TBC1D22A: variants seen among roughly 807,000 people sequenced by gnomAD.
The protein encoded by TBC1D22A is putative GTPase activator.
In TBC1D22A, 38 loss-of-function variants were observed where a neutral mutation model predicts 60.2. The observed-to-expected ratio is 0.63, with a 90% CI of 0.49 to 0.83. The LOEUF (loss-of-function observed/expected upper bound fraction) is 0.83, where lower values mean the gene tolerates loss of function less well. Ranked by LOEUF, TBC1D22A falls within the 40% of genes least tolerant of loss-of-function variation. The pLI is 0.00. For synonymous variants in TBC1D22A, 302 were observed against 281.7 expected, an observed-to-expected ratio of 1.07 and a Z score of -0.72; for missense variants, 628 against 701.0, an observed-to-expected ratio of 0.90 and a Z score of 1.18.
intron 12 of TBC1D22A, among the ~76,000 whole-genome samples, chr22:47,148,588 C>CTCCTCTCCTGGGGCCCTTCTCCCAGGAT (rs760456911): frequency 0.023 from 3,371 of 149,246 alleles, 98 homozygotes; most frequent in African/African-American, 0.066. Flanking sequence ...CTCTCTTGGG[C>CTCCTCTCCTGGGGCCCTTCTCCCAGGAT]TCCTCTCCTG....
intron 8 of TBC1D22A, among the ~76,000 whole-genome samples, chr22:46,949,049 A>G (rs2072732606): frequency 6.6e-6 from 1 of 152,190 alleles, no homozygotes; most frequent in Non-Finnish European, 1.5e-5. Flanking sequence ...AGGGTCACTC[A>G]TTTCATCTGA....
At chr22:46,871,879 A>G (rs1051417961) in intron 4 of TBC1D22A, among the ~76,000 whole-genome samples, 75 of 152,352 alleles carry the variant, frequency 4.9e-4, no homozygotes, top group African/African-American at 1.8e-3. Context: ...TCACTAAAAT[A>G]TAAAGTTTTT....
intron 11 of TBC1D22A, among the ~76,000 whole-genome samples, chr22:47,109,612 A>G (rs945696920): frequency 6.6e-6 from 1 of 152,112 alleles, no homozygotes; most frequent in Non-Finnish European, 1.5e-5. Flanking sequence ...TGGCAGTTCC[A>G]AAGAATAACT....
At chr22:46,892,479 A>G (rs1480936465) in intron 6 of TBC1D22A, among the ~76,000 whole-genome samples, 2 of 151,976 alleles carry the variant, frequency 1.3e-5, no homozygotes, top group Admixed American at 1.3e-4. Context: ...TCCAGGCCGG[A>G]GCTGCCCCTG....
chr22:46,851,717 G>A (rs1221860123), intron 4 of TBC1D22A, among the ~76,000 whole-genome samples: 1 of 152,256 alleles, frequency 6.6e-6, no homozygotes, highest in Non-Finnish European at 1.5e-5. Context: ...ACTGGGAGAA[G>A]AATCAGAAAT....
chr22:47,150,780 C>A (rs1410989098), intron 12 of TBC1D22A, among the ~76,000 whole-genome samples: 1 of 152,164 alleles, frequency 6.6e-6, no homozygotes, highest in Non-Finnish European at 1.5e-5. Flanking sequence ...ACTCCCACCC[C>A]CAGCATCGTC....
intron 12 of TBC1D22A, among the ~76,000 whole-genome samples, chr22:47,165,759 C>T (rs116163431): frequency 2.3e-3 from 350 of 152,110 alleles, no homozygotes; most frequent in African/African-American, 8.1e-3. Context: ...TGCTGCCCTG[C>T]CCCCCGGACC....
At chr22:47,074,939 A>G (rs768378679) in intron 11 of TBC1D22A, among the ~76,000 whole-genome samples, 1 of 152,142 alleles carries the variant, frequency 6.6e-6, no homozygotes, top group Non-Finnish European at 1.5e-5. Context: ...TAGAGAACCA[A>G]AGGGCCAGGT....
chr22:46,902,885 C>A lies in TBC1D22A; in HGVS notation c.900+8039C>A, dbSNP rs1213399264. 6.6e-5 allele frequency among the ~76,000 whole-genome samples: 10 copies of A among 152,314 alleles called. No homozygotes were observed. In the East Asian group the frequency reaches 1.7e-3, roughly 26 times the overall value. ...GGATGAAGACAGATGTGCGTGAAACCCAGAGAGATCATATACAGTTGTCAA... is the reference window on the plus strand; with the variant it reads ...GGATGAAGACAGATGTGCGTGAAACACAGAGAGATCATATACAGTTGTCAA... On this transcript the variant is annotated intron_variant, in intron 7 of 12. Coordinates refer to ENST00000337137, the MANE Select transcript of TBC1D22A (RefSeq NM_014346.5).
At position 47,112,011 on chromosome 22, in the gene TBC1D22A, A is replaced by G. The variant is rs111737782; in HGVS notation, c.1425+408A>G. Among the ~76,000 whole-genome samples, 106 of 152,348 alleles carry G rather than the reference A, an allele frequency of 7.0e-4. 2 individuals carry two copies. The South Asian group carries it at 0.018, about 25-fold the overall frequency. ...AATCACACAGCCTGGGGTGCCTTCC[A>G]GCCAGGCCACTGGAAGCTCTGTGAC... is the stretch of plus-strand genomic sequence containing the variant. On this transcript the variant is annotated intron_variant, in intron 12 of 12. Coordinates refer to ENST00000337137, the MANE Select transcript of TBC1D22A (RefSeq NM_014346.5).
chr22:47,158,118 G>A (rs2147194115), intron 12 of TBC1D22A, among the ~76,000 whole-genome samples: 1 of 152,328 alleles, frequency 6.6e-6, no homozygotes, highest in South Asian at 2.1e-4. Flanking sequence ...GCAGCTCCAG[G>A]AGTCAGGCTG....
At position 47,175,183 on chromosome 22, in the gene TBC1D22A, A is replaced by G. The variant is rs2068640243; in HGVS notation, c.*1557A>G. ...CACACAGCATGGAAATTAGCACAAAATGCTGTGCAAACGTCAGATGCTCCC... is the reference window on the plus strand; with the variant it reads ...CACACAGCATGGAAATTAGCACAAAGTGCTGTGCAAACGTCAGATGCTCCC... On this transcript the variant is annotated 3_prime_UTR_variant, in exon 13 of 13. Coordinates refer to ENST00000337137, the MANE Select transcript of TBC1D22A (RefSeq NM_014346.5). The G allele has an allele frequency of 6.6e-6, 1 of 152,266 alleles. No individual in the cohort carries two copies. The highest frequency in any genetic ancestry group is 1.5e-5 in the Non-Finnish European group (1 of 68,060). 9.4% of individuals were successfully genotyped at this position (152,266 alleles called of 1,614,324 possible). A position where few individuals can be genotyped will look rare whatever the true frequency, so the allele number is the denominator to read the frequency against.
intron 7 of TBC1D22A, among the ~76,000 whole-genome samples, chr22:46,909,318 ACACT>A (rs773065718): frequency 9.2e-5 from 14 of 152,210 alleles, no homozygotes; most frequent in Non-Finnish European, 1.5e-4. Flanking sequence ...ACACACTCAC[ACACT>A]CACTCACTCA....
At chr22:46,891,648 A>G (rs2068414608) in intron 6 of TBC1D22A, among the ~76,000 whole-genome samples, 2 of 152,228 alleles carry the variant, frequency 1.3e-5, no homozygotes. Flanking sequence ...AATTGAGGTT[A>G]CAAAATAAAT....
intron 11 of TBC1D22A, among the ~76,000 whole-genome samples, chr22:47,083,085 T>G (rs1181983864): frequency 6.6e-6 from 1 of 152,198 alleles, no homozygotes; most frequent in Non-Finnish European, 1.5e-5. Flanking sequence ...CCGCCTGATT[T>G]CACTTACGCT....
At chr22:46,896,945 G>A (rs6007990) in intron 7 of TBC1D22A, among the ~76,000 whole-genome samples, 110,028 of 151,828 alleles carry the variant, frequency 0.72, 39,928 homozygotes, top group Middle Eastern at 0.87. Context: ...AGAAAAGACA[G>A]TTTTTAGTTT....
At chr22:46,991,387 G>A (rs1011029508) in intron 9 of TBC1D22A, among the ~76,000 whole-genome samples, 3 of 152,178 alleles carry the variant, frequency 2.0e-5, no homozygotes, top group Admixed American at 1.3e-4. Context: ...GAGGGATAGC[G>A]AATGTGATAG....
intron 5 of TBC1D22A, among the ~76,000 whole-genome samples, chr22:46,889,928 C>T (rs2068310370): frequency 6.6e-6 from 1 of 152,144 alleles, no homozygotes; most frequent in South Asian, 2.1e-4. Context: ...TAGCTGGATG[C>T]CCTTGTCAAA....
chr22:47,146,446 G>A (rs1160861542), intron 12 of TBC1D22A, among the ~76,000 whole-genome samples: 2 of 152,138 alleles, frequency 1.3e-5, no homozygotes, highest in African/African-American at 2.4e-5. Flanking sequence ...CTTTATTCCC[G>A]AAGAGAGAAA....
Sources: allele counts gnomAD v4.1 joint callset (sites outside exome capture counted in the v4.1 genomes callset), GRCh38; gene constraint gnomAD v4.1.1; transcripts MANE v1.5; gene names NCBI Gene and HGNC (gene_info 2026-07-23, HGNC 2026-07-21).